The following NEBL variants were observed in gnomAD, a reference collection of about 807,000 sequenced individuals.
NEBL encodes LIM and SH3 protein 2.
A neutral mutation model predicts 140.2 loss-of-function variants in NEBL; 122 were observed. The observed-to-expected ratio is 0.87, with a 90% CI of 0.75 to 1.01. The LOEUF (loss-of-function observed/expected upper bound fraction) is 1.01, where lower values mean the gene tolerates loss of function less well. NEBL is among the 50% of genes least tolerant of loss of function. The pLI is 0.00. For missense variants in NEBL, 1,365 were observed against 1,231.3 expected (o/e 1.11, Z -1.62); for synonymous variants, 436 against 398.9 (o/e 1.09, Z -1.11).
chr10:20,809,998 G>T lies in NEBL; in HGVS notation c.2519-100C>A, dbSNP rs1837983720. 1.7e-5 allele frequency: 14 copies of T among 826,428 alleles called. No individual in the cohort carries two copies. In the East Asian group the frequency reaches 3.6e-4, roughly 21 times the overall value. 51.2% of individuals were successfully genotyped at this position (826,428 alleles called of 1,614,324 possible). A position where few individuals can be genotyped will look rare whatever the true frequency, so the allele number is the denominator to read the frequency against. The stretch of plus-strand genomic sequence containing the variant: ...ACCCAAAAGAGTCAAGACAAAGTCT[G>T]CAAAGGAATAGATATAAGAAGCAAA... On this transcript the variant is annotated intron_variant, in intron 24 of 27. Coordinates refer to ENST00000377122, the MANE Select transcript of NEBL (RefSeq NM_006393.3).
In NEBL at chr10:20,819,451, C is replaced by T. The variant is rs1839059528; in HGVS notation, c.2028G>A (p.Val676=). 4.3e-6 allele frequency: 7 copies of T among 1,613,962 alleles called. No individual in the cohort carries two copies. The highest frequency in any genetic ancestry group is 5.9e-6 in the Non-Finnish European group (7 of 1,179,992). Residue 676 remains valine (V), a synonymous_variant, in exon 20 of 28, where the codon GTG becomes GTA. Transcript: ENST00000377122. ...CACTCAGCTGCTCCTGGTTTCGCCT[C>T]ACTCTCTCTATCTCCGGGGTCATGC... ...PVSMTPEIER[V]RRNQEQLSAV... is the part of the protein sequence containing the mutation.
At chr10:21,230,749 C>A (rs1017631220) in intron 3 of NEBL, among the ~76,000 whole-genome samples, 1 of 151,976 alleles carries the variant, frequency 6.6e-6, no homozygotes, top group Admixed American at 6.6e-5. Context: ...GGATTAAAGG[C>A]ACCCACCGCC....
chr10:20,819,712 G>A (rs1251300474), intron 19 of NEBL, among the ~76,000 whole-genome samples, 196 bp from the exon 20 acceptor site: 1 of 151,002 alleles, frequency 6.6e-6, no homozygotes, highest in Admixed American at 6.6e-5. Context: ...TTGTCAAGTG[G>A]TTTTGTTGTT....
chr10:21,155,435 TA>T (rs1468073661), intron 2 of NEBL, among the ~76,000 whole-genome samples: 1 of 152,138 alleles, frequency 6.6e-6, no homozygotes. Flanking sequence ...ACCCTCCCAC[TA>T]ACCTTCCCAG....
At chr10:21,139,257 A>G (rs551813396) in intron 2 of NEBL, among the ~76,000 whole-genome samples, 66 of 152,360 alleles carry the variant, frequency 4.3e-4, no homozygotes, top group Non-Finnish European at 5.7e-4. Context: ...GGGCATTTTC[A>G]TTAGCATGAA....
rs113378754 is a variant in NEBL at position 20,916,526 on chromosome 10, C to A, written c.357+45146G>T. 6.4e-3 allele frequency among the ~76,000 whole-genome samples: 969 copies of A among 152,274 alleles called. 9 individuals carry two copies. The highest frequency in any genetic ancestry group is 0.023 in the African/African-American group (936 of 41,530). The stretch of plus-strand genomic sequence containing the variant: ...GGCTCAAGAGACTCTCCTACCTCAG[C>A]CTCCCAAGTAGCTGGGATTACAGGC... On this transcript the variant is annotated intron_variant, in intron 4 of 6. Coordinates refer to the NEBL transcript ENST00000417816.
At chr10:20,786,434 T>C (rs190621520) in intron 27 of NEBL, among the ~76,000 whole-genome samples, 64 of 152,308 alleles carry the variant, frequency 4.2e-4, no homozygotes, top group African/African-American at 1.4e-3. Context: ...ATTTAGCATA[T>C]AAGTGTCCTG....
At chr10:20,933,951 G>C (rs898234235) in intron 4 of NEBL, among the ~76,000 whole-genome samples, 1 of 151,850 alleles carries the variant, frequency 6.6e-6, no homozygotes, top group African/African-American at 2.4e-5. Context: ...GGCCAGCTGG[G>C]TACACTATCA....
intron 26 of NEBL, among the ~76,000 whole-genome samples, chr10:20,792,842 C>G (rs1564328785): frequency 6.6e-6 from 1 of 151,682 alleles, no homozygotes; most frequent in Non-Finnish European, 1.5e-5. Flanking sequence ...AGTCCATGAG[C>G]AAGGTGGCTG....
chr10:21,023,696 A>AAAATAAATAAATAAATAAAT (rs374573842), intron 2 of NEBL, among the ~76,000 whole-genome samples: 15 of 151,630 alleles, frequency 9.9e-5, no homozygotes, highest in African/African-American at 3.7e-4. Flanking sequence ...CTCCATCTCA[A>AAAATAAATAAATAAATAAAT]AAATAAATAA....
chr10:20,936,482 C>A (rs1834492736), intron 4 of NEBL, among the ~76,000 whole-genome samples: 1 of 152,202 alleles, frequency 6.6e-6, no homozygotes, highest in African/African-American at 2.4e-5. Flanking sequence ...CTGCTTGTCA[C>A]TCTGGCCCAT....
At chr10:20,921,559 G>T (rs142876078) in intron 4 of NEBL, among the ~76,000 whole-genome samples, 167 of 152,228 alleles carry the variant, frequency 1.1e-3, no homozygotes, top group African/African-American at 3.7e-3. Context: ...CACAATTCCA[G>T]TTCTCCATGG....
intron 3 of NEBL, among the ~76,000 whole-genome samples, chr10:21,189,737 A>G (rs1280168804): frequency 6.6e-6 from 1 of 151,844 alleles, no homozygotes; most frequent in African/African-American, 2.4e-5. Flanking sequence ...AAAGTGCTGG[A>G]ATTACAGGCA....
chr10:21,214,475 GCA>G (rs200586379), intron 3 of NEBL, among the ~76,000 whole-genome samples: 20 of 151,180 alleles, frequency 1.3e-4, no homozygotes, highest in East Asian at 7.8e-4. Flanking sequence ...GCACACACAT[GCA>G]CACACACGCG....
intron 3 of NEBL, among the ~76,000 whole-genome samples, chr10:21,211,038 C>T (rs1214080553): frequency 3.3e-5 from 5 of 152,102 alleles, no homozygotes; most frequent in Non-Finnish European, 5.9e-5. Flanking sequence ...TCCTCAGTCA[C>T]GTTTTCTTTG....
intron 3 of NEBL, among the ~76,000 whole-genome samples, chr10:21,203,846 C>A (rs1205969749): frequency 6.6e-6 from 1 of 152,178 alleles, no homozygotes; most frequent in Non-Finnish European, 1.5e-5. Flanking sequence ...TCCAGGCCCC[C>A]TTGCAGCCCG....
At position 21,145,512 on chromosome 10, in the gene NEBL, G is replaced by C. The variant is rs1161571757; in HGVS notation, c.164+26871C>G. ...AGTGCCTGACACTTAGGAACCACTC[G>C]GTAAGTATCTGTTGAATAAATGAAT... On this transcript the variant is annotated intron_variant, in intron 2 of 6. Transcript: ENST00000417816. 3.9e-5 allele frequency among the ~76,000 whole-genome samples: 6 copies of C among 152,138 alleles called. No individual in the cohort carries two copies. The East Asian group carries it at 1.2e-3, about 29-fold the overall frequency.
chr10:20,870,014 T>C (rs1844758803), intron 5 of NEBL, among the ~76,000 whole-genome samples, 173 bp from the exon 6 acceptor site: 1 of 152,094 alleles, frequency 6.6e-6, no homozygotes, highest in Non-Finnish European at 1.5e-5. Flanking sequence ...CTTTATACTA[T>C]ACCTATGTCT....
intron 2 of NEBL, among the ~76,000 whole-genome samples, chr10:21,048,899 C>T (rs1257560831): frequency 6.6e-6 from 1 of 152,102 alleles, no homozygotes; most frequent in Non-Finnish European, 1.5e-5. Flanking sequence ...ATCCGAGGTA[C>T]TCAGGAGGCT....
Sources: gnomAD v4.1 joint callset for allele counts (sites outside exome capture counted in the v4.1 genomes callset) on GRCh38, gnomAD v4.1.1 for gene constraint, MANE v1.5 for transcripts, NCBI Gene and HGNC (gene_info 2026-07-23, HGNC 2026-07-21) for gene names.